Variants in TRIM26 observed in about 807,000 individuals in gnomAD.
The protein encoded by TRIM26 is tripartite motif-containing protein 26.
Under a neutral mutation model 45.5 loss-of-function variants are expected in TRIM26, and 16 were observed. That is an observed-to-expected ratio of 0.35 (90% CI 0.24 to 0.53). TRIM26 has a LOEUF of 0.53. Ranked by LOEUF, TRIM26 falls within the 20% of genes least tolerant of loss-of-function variation. The pLI, the probability that TRIM26 is intolerant of heterozygous loss-of-function variation, is 0.92. For missense variants in TRIM26, 442 were observed against 691.1 expected, an observed-to-expected ratio of 0.64 and a Z score of 4.04; for synonymous variants, 273 against 290.4, an observed-to-expected ratio of 0.94 and a Z score of 0.61.
chr6:30,194,033 T>A (rs949062297), intron 6 of TRIM26, among the ~76,000 whole-genome samples: 22 of 152,124 alleles, frequency 1.4e-4, no homozygotes, highest in African/African-American at 4.8e-4. Context: ...TATGAGAGTT[T>A]CTCAAAAAAC....
In TRIM26 at chr6:30,198,672, G is replaced by A. The variant is rs1581692599; in HGVS notation, c.432C>T (p.Pro144=). 1.9e-6 allele frequency: 3 copies of A among 1,604,398 alleles called. No individual in the cohort carries two copies. Among genetic ancestry groups the A allele is most frequent in the Non-Finnish European group, 2.5e-6 (3 of 1,178,208 alleles). The part of the protein sequence containing the change: ...TAVLMEKAAQ[P]HREKILNHLS... Reference sequence around the variant, plus strand: ...GGGGGTGAAGAGGGCTTACCCTGTGGGGCTGGGCGGCCTTCTCCATGAGGA... The same window carrying A: ...GGGGGTGAAGAGGGCTTACCCTGTGAGGCTGGGCGGCCTTCTCCATGAGGA... Residue 144 remains proline, a synonymous_variant, in exon 4 of 10, where the codon CCC becomes CCT. Transcript: ENST00000454678. The surrounding 1 kb of genome is among the most constrained non-coding windows in gnomAD (Gnocchi z 6.3).
intron 9 of TRIM26, among the ~76,000 whole-genome samples, chr6:30,188,852 G>A (rs1340754404): frequency 6.6e-6 from 1 of 152,150 alleles, no homozygotes; most frequent in African/African-American, 2.4e-5. Context: ...CTGAATATAG[G>A]AGCCATGCAG....
chr6:30,189,525 C>T lies in TRIM26; in HGVS notation c.797G>A (p.Arg266Gln), dbSNP rs1301735182. Residue 266 changes from arginine (R) to glutamine (Q), a missense_variant, in exon 8 of 10, where the codon CGG becomes CAG. Transcript: ENST00000454678. The surrounding 1 kb of genome is among the most constrained non-coding windows in gnomAD (Gnocchi z 5.0). ...DTRDFLNRYP[R>Q]KKFWVGKPIA... is the part of the protein sequence containing the mutation. The stretch of plus-strand genomic sequence containing the variant: ...GGGTTTCCCAACCCAGAACTTCTTC[C>T]GTGGATACCTAAGAAGATGACATAC... 3.1e-6 allele frequency: 5 copies of T among 1,612,520 alleles called. No individual in the cohort carries two copies. The highest frequency in any genetic ancestry group is 1.3e-5 in the African/African-American group (1 of 74,904).
At position 30,196,489 on chromosome 6, in the gene TRIM26, G is replaced by T; in HGVS notation, c.765+27C>A. ...CTGGGACCCACCGTCCTGGTCCCTG[G>T]CGCCCTGCCCAGGGACGGCCTCTCA... On this transcript the variant is annotated intron_variant, in intron 6 of 9. Transcript: ENST00000454678. This position sits in a 1 kb window ranked among gnomAD's most constrained non-coding sequence, Gnocchi z 4.9. 1 of 1,597,138 alleles carries T rather than the reference G, an allele frequency of 6.3e-7. No homozygotes were observed. Among genetic ancestry groups the T allele is most frequent in the Non-Finnish European group, 8.5e-7 (1 of 1,175,894 alleles).
At position 30,189,320 on chromosome 6, in the gene TRIM26, G is replaced by A; in HGVS notation, c.904+98C>T. On this transcript the variant is annotated intron_variant, in intron 8 of 9. Coordinates refer to ENST00000454678, the MANE Select transcript of TRIM26 (RefSeq NM_003449.5). This position sits in a 1 kb window ranked among gnomAD's most constrained non-coding sequence, Gnocchi z 5.0. ...TCTAAGACAAGAGGCCCTCAGAAGA[G>A]TGAGGATCGACAAGGTGATGGAAAG... The A allele has an allele frequency of 6.4e-7, 1 of 1,560,652 alleles. No individual in the cohort carries two copies. Among genetic ancestry groups the A allele is most frequent in the Non-Finnish European group, 8.8e-7 (1 of 1,132,578 alleles).
chr6:30,204,140 T>TC (rs1475161357), intron 2 of TRIM26, among the ~76,000 whole-genome samples: 1 of 152,158 alleles, frequency 6.6e-6, no homozygotes, highest in African/African-American at 2.4e-5. Context: ...CTATGACCAA[T>TC]CCCTTCCCTT....
rs1357604388 is a variant in TRIM26 at position 30,211,261 on chromosome 6, C to T, written c.-376+2044G>A. On this transcript the variant is annotated intron_variant, in intron 1 of 9. Transcript: ENST00000454678. Reference sequence around the variant, plus strand: ...ACATTACCTAGATATCTCTTGGCCTCCCTCCACACACACACAATTTTGGGG... The same window carrying T: ...ACATTACCTAGATATCTCTTGGCCTTCCTCCACACACACACAATTTTGGGG... 5.9e-5 allele frequency among the ~76,000 whole-genome samples: 9 copies of T among 152,262 alleles called. No individual in the cohort carries two copies. In the South Asian group the frequency reaches 1.7e-3, roughly 28 times the overall value.
chr6:30,190,184 C>CACT lies in TRIM26; in HGVS notation c.766-152_766-150dup, dbSNP rs1775676388. ...TATGGAGCTGACATTCCAGTGGGGT[C>CACT]ACTGCATAAAACAACAAGAAAACAA... On this transcript the variant is annotated intron_variant, in intron 6 of 9. Coordinates refer to ENST00000454678, the MANE Select transcript of TRIM26 (RefSeq NM_003449.5). This position sits in a 1 kb window ranked among gnomAD's most constrained non-coding sequence, Gnocchi z 4.3. 1.2e-6 allele frequency: 1 copy of CACT among 811,708 alleles called. No individual in the cohort carries two copies. Among genetic ancestry groups the CACT allele is most frequent in the African/African-American group, 1.7e-5 (1 of 58,118 alleles). The allele number at this position is 811,708 out of a possible 1,614,324, so 50.3% of individuals were successfully genotyped here. A position where few individuals can be genotyped will look rare whatever the true frequency, so the allele number is the denominator to read the frequency against.
At position 30,207,750 on chromosome 6, in the gene TRIM26, C is replaced by G. The variant is rs1777865518; in HGVS notation, c.-375-2985G>C. On this transcript the variant is annotated intron_variant, in intron 1 of 9. Coordinates refer to ENST00000454678, the MANE Select transcript of TRIM26 (RefSeq NM_003449.5). This position sits in a 1 kb window ranked among gnomAD's most constrained non-coding sequence, Gnocchi z 4.9. ...TCAAACTCACAGCCAAACCAAACCG[C>G]TCTCCATGCCTCAAAGTGCTATGCT... 6.6e-6 allele frequency among the ~76,000 whole-genome samples: 1 copy of G among 152,222 alleles called. No homozygotes were observed. Among genetic ancestry groups the G allele is most frequent in the Admixed American group, 6.5e-5 (1 of 15,284 alleles).
intron 6 of TRIM26, among the ~76,000 whole-genome samples, chr6:30,193,134 ATATGTG>A (rs1245511796): frequency 1.3e-3 from 71 of 54,660 alleles, no homozygotes; most frequent in African/African-American, 6.2e-3. Context: ...ATATATACAT[ATATGTG>A]TGTGTGTGTG....
intron 9 of TRIM26, chr6:30,187,132 AC>A: frequency 3.4e-6 from 1 of 293,520 alleles, no homozygotes. Context: ...CATGGACTCT[AC>A]CCCAATTACT....
chr6:30,198,285 C>T lies in TRIM26; in HGVS notation c.534+144G>A. On this transcript the variant is annotated intron_variant, in intron 5 of 9. Coordinates refer to ENST00000454678, the MANE Select transcript of TRIM26 (RefSeq NM_003449.5). The surrounding 1 kb of genome is among the most constrained non-coding windows in gnomAD (Gnocchi z 6.3). ...AGAAAGACAGCACTTGGGCTAAAAC[C>T]CAGGTCTGCTACTGCCAGGCTGACA... The T allele has an allele frequency of 4.8e-6, 4 of 831,386 alleles. No homozygotes were observed. The highest frequency in any genetic ancestry group is 7.7e-6 in the Non-Finnish European group (4 of 521,480). 51.5% of individuals were successfully genotyped at this position (831,386 alleles called of 1,614,324 possible).
intron 1 of TRIM26, among the ~76,000 whole-genome samples, chr6:30,210,396 A>C (rs1393483574): frequency 6.6e-6 from 1 of 152,074 alleles, no homozygotes; most frequent in Non-Finnish European, 1.5e-5. Context: ...TCTTCTCTCC[A>C]GTCCAGCGCA....
chr6:30,191,045 AG>A (rs1775775873), intron 6 of TRIM26, among the ~76,000 whole-genome samples: 1 of 152,172 alleles, frequency 6.6e-6, no homozygotes, highest in Non-Finnish European at 1.5e-5. Context: ...GCCGTGGACC[AG>A]GGGAGAGCTA....
intron 9 of TRIM26, chr6:30,188,185 A>C (rs1775402879): frequency 1.3e-5 from 2 of 156,484 alleles, no homozygotes; most frequent in Non-Finnish European, 2.5e-5. Context: ...GCGCCACTGC[A>C]CTCCAGCCTG....
Position 30,198,851 on chromosome 6 carries a change from T to C in TRIM26, c.253A>G (p.Lys85Glu). 1 of 1,612,920 alleles carries C rather than the reference T, an allele frequency of 6.2e-7. No homozygotes were observed. The highest frequency in any genetic ancestry group is 8.5e-7 in the Non-Finnish European group (1 of 1,180,004). Residue 85 changes from lysine to glutamate, a missense_variant, in exon 4 of 10, where the codon AAG (lysine) becomes GAG (glutamate). By Grantham distance (56) the Lys-to-Glu change is moderately conservative (BLOSUM62 1). Transcript: ENST00000454678. This position sits in a 1 kb window ranked among gnomAD's most constrained non-coding sequence, Gnocchi z 6.3. ...VENIERLKVD[K>E]GRQPGEVTRE... ...GTCACCTCTCCCGGCTGCCTGCCCTTGTCCACCTTCAGCCGCTCAATGTTC... is the reference window on the plus strand; with the variant it reads ...GTCACCTCTCCCGGCTGCCTGCCCTCGTCCACCTTCAGCCGCTCAATGTTC...
chr6:30,198,953 G>A lies in TRIM26; in HGVS notation c.151C>T (p.Pro51Ser). Reference protein sequence around the residue: ...TDVRPISGSRPVCPLCKKPFK... With the variant: ...TDVRPISGSRSVCPLCKKPFK... ...GGCTTCTTGCAGAGTGGGCAGACGGGGCGGCTCCCTGAGATGGGGCGGACG... is the reference window on the plus strand; with the variant it reads ...GGCTTCTTGCAGAGTGGGCAGACGGAGCGGCTCCCTGAGATGGGGCGGACG... The change falls in exon 4 of 10, where the codon CCC becomes TCC. Residue 51 changes from proline (P) to serine (S), a missense_variant. Physicochemically the swap from Pro to Ser is moderately conservative, Grantham distance 74. Transcript: ENST00000454678. This position sits in a 1 kb window ranked among gnomAD's most constrained non-coding sequence, Gnocchi z 6.3. 1 of 1,612,798 alleles carries A rather than the reference G, an allele frequency of 6.2e-7. No individual in the cohort carries two copies. The highest frequency in any genetic ancestry group is 1.1e-5 in the South Asian group (1 of 91,064).
rs945750758 is a variant in TRIM26, at chr6:30,189,730, C to T, written c.789-197G>A. The T allele has an allele frequency of 5.2e-5, 33 of 634,026 alleles. 1 individual carries two copies. Among genetic ancestry groups the T allele is most frequent in the African/African-American group, 2.8e-4 (15 of 54,536 alleles). 39.3% of individuals were successfully genotyped at this position (634,026 alleles called of 1,614,324 possible). On this transcript the variant is annotated intron_variant, in intron 7 of 9. Coordinates refer to ENST00000454678, the MANE Select transcript of TRIM26 (RefSeq NM_003449.5). The surrounding 1 kb of genome is among the most constrained non-coding windows in gnomAD (Gnocchi z 5.0). ...ACATCAGTAGACTCCACATCCAGGG[C>T]GCTCTGTCTACTAAGCCATGTTTCT...
chr6:30,193,182 A>ATATATTTT (rs9280916), intron 6 of TRIM26, among the ~76,000 whole-genome samples: 17 of 38,816 alleles, frequency 4.4e-4, no homozygotes, highest in East Asian at 3.0e-3. Context: ...ATATATATAT[A>ATATATTTT]TTTTTTTTTT....
Sources: allele counts gnomAD v4.1 joint callset (sites outside exome capture counted in the v4.1 genomes callset), GRCh38; gene constraint gnomAD v4.1.1; non-coding constraint Gnocchi (gnomAD v3.1); transcripts MANE v1.5; gene names NCBI Gene and HGNC (gene_info 2026-07-23, HGNC 2026-07-21).